The following CNTLN variants were observed in gnomAD, a reference collection of about 807,000 sequenced individuals.
The protein encoded by CNTLN is centlein.
Under a neutral mutation model 180.0 loss-of-function variants are expected in CNTLN, and 212 were observed. The ratio of observed to expected loss-of-function variants is 1.18; its 90% CI spans 1.05 to 1.32. CNTLN has a LOEUF of 1.32. CNTLN is among the 40% of genes most tolerant of loss of function. The pLI is 0.00. For missense variants in CNTLN, 2,095 were observed against 1,610.9 expected (o/e 1.30, Z -5.14); for synonymous variants, 722 against 563.1 (o/e 1.28, Z -3.99).
At chr9:17,180,698 A>C (rs1026691321) in intron 2 of CNTLN, among the ~76,000 whole-genome samples, 1 of 152,020 alleles carries the variant, frequency 6.6e-6, no homozygotes, top group Non-Finnish European at 1.5e-5. Flanking sequence ...TAGAAAACTT[A>C]CTTTAGCTAT....
intron 6 of CNTLN, among the ~76,000 whole-genome samples, chr9:17,291,291 G>T (rs1028583464): frequency 1.3e-5 from 2 of 152,098 alleles, no homozygotes; most frequent in African/African-American, 4.8e-5. Flanking sequence ...CATTGTTTTT[G>T]GGTGGAGAGT....
At chr9:17,326,678 A>G (rs979395703) in intron 8 of CNTLN, among the ~76,000 whole-genome samples, 1 of 152,200 alleles carries the variant, frequency 6.6e-6, no homozygotes, top group African/African-American at 2.4e-5. Flanking sequence ...CTGAATATCA[A>G]CAGTCATAAA....
In CNTLN at chr9:17,447,151, G is replaced by A. The variant is rs1157141031; in HGVS notation, c.3115-10373G>A. The A allele has an allele frequency of 1.4e-5, 3 of 218,144 alleles. No individual in the cohort carries two copies. The East Asian group carries it at 3.3e-4, about 24-fold the overall frequency. The allele number at this position is 218,144 out of a possible 1,614,324, so 13.5% of individuals were successfully genotyped here. Reference sequence around the variant, plus strand: ...TCTCCCGCTGCGGTGTCAGCTACAGGAACCTTATCCCAGCTCAAAACTAGA... The same window carrying A: ...TCTCCCGCTGCGGTGTCAGCTACAGAAACCTTATCCCAGCTCAAAACTAGA... On this transcript the variant is annotated intron_variant, in intron 18 of 25. Coordinates refer to ENST00000380647, the MANE Select transcript of CNTLN (RefSeq NM_017738.4).
intron 5 of CNTLN, among the ~76,000 whole-genome samples, chr9:17,270,909 TGTATTAA>T (rs1827889022): frequency 6.6e-6 from 1 of 151,938 alleles, no homozygotes; most frequent in Non-Finnish European, 1.5e-5. Flanking sequence ...ACCTTAATTT[TGTATTAA>T]TATCAAGGGC....
intron 2 of CNTLN, among the ~76,000 whole-genome samples, chr9:17,190,697 C>G (rs1047941000): frequency 6.6e-6 from 1 of 151,904 alleles, no homozygotes; most frequent in Non-Finnish European, 1.5e-5. Flanking sequence ...TCTCATTAAC[C>G]GAGTTGTCAT....
intron 3 of CNTLN, among the ~76,000 whole-genome samples, chr9:17,231,441 G>A (rs554935741): frequency 1.3e-4 from 20 of 152,018 alleles, no homozygotes; most frequent in African/African-American, 4.8e-4. Context: ...GTAAGACTAT[G>A]TTTTAGCTTT....
At position 17,463,064 on chromosome 9, in the gene CNTLN, C is replaced by T. The variant is rs547152383; in HGVS notation, c.3404+51C>T. The stretch of plus-strand genomic sequence containing the variant: ...TGTATTTGGTGCCACCTAGTGGCAA[C>T]CAGCTCTATTAAACGTGCTCCAAGA... On this transcript the variant is annotated intron_variant, in intron 20 of 25. Coordinates refer to ENST00000380647, the MANE Select transcript of CNTLN (RefSeq NM_017738.4). 1.7e-5 allele frequency: 18 copies of T among 1,070,714 alleles called. No homozygotes were observed. In the South Asian group the frequency reaches 2.4e-4, roughly 14 times the overall value. 66.3% of individuals were successfully genotyped at this position (1,070,714 alleles called of 1,614,324 possible).
intron 23 of CNTLN, among the ~76,000 whole-genome samples, chr9:17,473,296 C>G (rs1290130723): frequency 2.0e-5 from 3 of 152,202 alleles, no homozygotes; most frequent in African/African-American, 7.2e-5. Context: ...GCCACTCAAT[C>G]TCAGCTGCGT....
chr9:17,297,638 T>G (rs1373762314), intron 6 of CNTLN, among the ~76,000 whole-genome samples: 3 of 152,200 alleles, frequency 2.0e-5, no homozygotes, highest in Non-Finnish European at 2.9e-5. Flanking sequence ...TCTGACTCTT[T>G]TACCTCATCA....
chr9:17,479,476 T>C (rs1832524625), intron 23 of CNTLN, among the ~76,000 whole-genome samples: 1 of 152,162 alleles, frequency 6.6e-6, no homozygotes, highest in Non-Finnish European at 1.5e-5. Context: ...TCTATGAGTG[T>C]TTATGATAGT....
At chr9:17,429,111 T>A (rs1829260691) in intron 18 of CNTLN, among the ~76,000 whole-genome samples, 1 of 152,008 alleles carries the variant, frequency 6.6e-6, no homozygotes, top group Admixed American at 6.6e-5. Context: ...CACTTTATAG[T>A]AATAATTAAA....
intron 16 of CNTLN, 77 bp downstream of exon 16, chr9:17,409,550 T>C (rs930488334): frequency 9.6e-7 from 1 of 1,046,948 alleles, no homozygotes; most frequent in African/African-American, 1.6e-5. Flanking sequence ...AGTAAATAAA[T>C]GTTACTACTG....
At chr9:17,507,955 C>T (rs949341110), downstream of CNTLN, among the ~76,000 whole-genome samples, 1 of 152,146 alleles carries the variant, frequency 6.6e-6, no homozygotes, top group Non-Finnish European at 1.5e-5. Flanking sequence ...GAAGGTGGTG[C>T]CCCTGCCTTC....
intron 24 of CNTLN, 31 bp from the exon 25 acceptor site, chr9:17,486,958 T>G: frequency 2.5e-6 from 3 of 1,213,202 alleles, no homozygotes; most frequent in Non-Finnish European, 3.6e-6. Context: ...TAAATTTCGT[T>G]AACACCAGTG....
At chr9:17,432,193 AAAAAAAC>A (rs1247286764) in intron 18 of CNTLN, among the ~76,000 whole-genome samples, 9 of 152,270 alleles carry the variant, frequency 5.9e-5, no homozygotes, top group East Asian at 3.9e-4. Flanking sequence ...TCAAGGCACT[AAAAAAAC>A]AAAAAACAAA....
At chr9:17,290,784 G>C (rs1188386285) in intron 6 of CNTLN, among the ~76,000 whole-genome samples, 1 of 151,930 alleles carries the variant, frequency 6.6e-6, no homozygotes, top group African/African-American at 2.4e-5. Flanking sequence ...AGGTGCGTCT[G>C]TCACCCCTTT....
intron 2 of CNTLN, among the ~76,000 whole-genome samples, chr9:17,200,809 T>G (rs1345255251): frequency 2.0e-5 from 3 of 152,194 alleles, no homozygotes; most frequent in Non-Finnish European, 4.4e-5. Context: ...TCTTCCTATG[T>G]GAATACCCTT....
chr9:17,527,647 C>T, the CNTLN span, among the ~76,000 whole-genome samples: 1 of 152,226 alleles, frequency 6.6e-6, no homozygotes, highest in South Asian at 2.1e-4. Context: ...TCAGCATGAA[C>T]TCAGCTGAGA....
At position 17,243,266 on chromosome 9, in the gene CNTLN, A is replaced by G. The variant is rs189994413; in HGVS notation, c.849+6678A>G. ...TTTTGCCCACTTAGTTTATCTTTCA[A>G]AAAACCCAGTTTCTTTTCATTGTTC... On this transcript the variant is annotated intron_variant, in intron 5 of 25. Coordinates refer to ENST00000380647, the MANE Select transcript of CNTLN (RefSeq NM_017738.4). Among the ~76,000 whole-genome samples, 205 of 152,150 alleles carry G rather than the reference A, an allele frequency of 1.3e-3. 2 individuals carry two copies. Among genetic ancestry groups the G allele is most frequent in the Non-Finnish European group, 2.5e-3 (170 of 67,968 alleles).
Sources: gnomAD v4.1 joint callset for allele counts (sites outside exome capture counted in the v4.1 genomes callset) on GRCh38, gnomAD v4.1.1 for gene constraint, MANE v1.5 for transcripts, NCBI Gene and HGNC (gene_info 2026-07-23, HGNC 2026-07-21) for gene names.